Variants in ARMC5 observed in about 807,000 individuals in gnomAD.
ARMC5 encodes armadillo repeat-containing protein 5.
Under a neutral mutation model 60.5 loss-of-function variants are expected in ARMC5, and 28 were observed. The observed-to-expected ratio is 0.46, with a 90% CI of 0.34 to 0.63. The LOEUF is 0.63. ARMC5 is among the 30% of genes least tolerant of loss of function. The pLI is 0.01. For missense variants in ARMC5, 1,189 were observed against 1,304.9 expected, an observed-to-expected ratio of 0.91 and a Z score of 1.37; for synonymous variants, 680 against 607.3, an observed-to-expected ratio of 1.12 and a Z score of -1.76.
In ARMC5 at chr16:31,459,872, G is replaced by C. The variant is rs773795693; in HGVS notation, c.348G>C (p.Ser116=). Residue 116 remains serine, a synonymous_variant, in exon 1 of 6, where the codon TCG becomes TCC. Transcript: ENST00000268314. ...GCCCCGCCCCCTCCGCTGTGTCGTC[G>C]TCTAGTCCTACGCCGCCAGTGCGCC... ...ASGPAPSAVS[S]SSPTPPVRLR... 1.9e-6 allele frequency: 3 copies of C among 1,603,936 alleles called. No homozygotes were observed. Among genetic ancestry groups the C allele is most frequent in the Non-Finnish European group, 2.5e-6 (3 of 1,179,510 alleles).
In ARMC5 at chr16:31,466,287, T is replaced by C; in HGVS notation, c.2206T>C (p.Tyr736His). The change falls in exon 6 of 6, where the codon TAT becomes CAT. Residue 736 changes from tyrosine (Y) to histidine (H), a missense_variant. By Grantham distance (83) the Tyr-to-His change is moderately conservative (BLOSUM62 2). Transcript: ENST00000268314. This position sits in a 1 kb window ranked among gnomAD's most constrained non-coding sequence, Gnocchi z 8.0. ...CCTAGACTCACCTTCCCCTTGCCTC[T>C]ATGAACCTCTGCTGGGCCCAGCCCC... Reference protein sequence around the residue: ...MDLDSPSPCLYEPLLGPAPVP... With the variant: ...MDLDSPSPCLHEPLLGPAPVP... 1 of 1,613,880 alleles carries C rather than the reference T, an allele frequency of 6.2e-7. No individual in the cohort carries two copies. The highest frequency in any genetic ancestry group is 8.5e-7 in the Non-Finnish European group (1 of 1,179,882).
In ARMC5 at chr16:31,461,906, CA is replaced by C; in HGVS notation, c.476-13del. 4 of 1,611,416 alleles carry C rather than the reference CA, an allele frequency of 2.5e-6. No individual in the cohort carries two copies. The highest frequency in any genetic ancestry group is 3.4e-6 in the Non-Finnish European group (4 of 1,177,510). ...GTAAGGGGTAGAACCCTCACAAGCC[CA>C]AACTGTCGTTGCAGTGACCATTCTT... On this transcript the variant is annotated splice_polypyrimidine_tract_variant and intron_variant, in intron 1 of 5. Transcript: ENST00000268314.
rs373003041 is a variant in ARMC5, at chr16:31,461,908, A to G, written c.476-14A>G. 1 of 1,612,000 alleles carries G rather than the reference A, an allele frequency of 6.2e-7. No homozygotes were observed. The highest frequency in any genetic ancestry group is 8.5e-7 in the Non-Finnish European group (1 of 1,178,040). ...AAGGGGTAGAACCCTCACAAGCCCAAACTGTCGTTGCAGTGACCATTCTTC... is the reference window on the plus strand; with the variant it reads ...AAGGGGTAGAACCCTCACAAGCCCAGACTGTCGTTGCAGTGACCATTCTTC... On this transcript the variant is annotated splice_polypyrimidine_tract_variant and intron_variant, in intron 1 of 5. Transcript: ENST00000268314.
Position 31,459,603 on chromosome 16 carries a change from C to G in ARMC5, c.79C>G (p.Leu27Val). The part of the protein sequence containing the change: ...AQLAAAAGEA[L>V]GGEKDPATNE... ...GCTCGCGGCGGCGGCCGGGGAGGCTCTGGGTGGGGAAAAGGACCCAGCGAC... is the reference window on the plus strand; with the variant it reads ...GCTCGCGGCGGCGGCCGGGGAGGCTGTGGGTGGGGAAAAGGACCCAGCGAC... Residue 27 changes from leucine to valine, a missense_variant, in exon 1 of 6, where the codon CTG (leucine) becomes GTG (valine). By Grantham distance (32) the Leu-to-Val change is conservative (BLOSUM62 1). Coordinates refer to ENST00000268314, the MANE Select transcript of ARMC5 (RefSeq NM_001105247.2). The G allele has an allele frequency of 6.2e-7, 1 of 1,600,876 alleles. No individual in the cohort carries two copies. The highest frequency in any genetic ancestry group is 8.5e-7 in the Non-Finnish European group (1 of 1,179,428).
Position 31,466,234 on chromosome 16 carries a change from C to T in ARMC5, c.2153C>T (p.Pro718Leu). 1 of 1,613,810 alleles carries T rather than the reference C, an allele frequency of 6.2e-7. No homozygotes were observed. The highest frequency in any genetic ancestry group is 8.5e-7 in the Non-Finnish European group (1 of 1,179,880). Residue 718 changes from proline to leucine, a missense_variant, in exon 6 of 6, where the codon CCA becomes CTA. This residue lies in a region of ARMC5 where 862 missense variants were observed against 1,071.2 expected (regional missense o/e 0.80). Transcript: ENST00000268314. This position sits in a 1 kb window ranked among gnomAD's most constrained non-coding sequence, Gnocchi z 8.0. The stretch of plus-strand genomic sequence containing the variant: ...GACCTGGTGTCTCCCACTGTGAGCC[C>T]AGCTGTCCCACAGGCAGTCCCCATG... ...LQDLVSPTVS[P>L]AVPQAVPMDL...
chr16:31,458,501 G>C (rs565322103), upstream of ARMC5: 3 of 1,535,730 alleles, frequency 2.0e-6, no homozygotes, highest in Non-Finnish European at 2.6e-6. Flanking sequence ...CCCGGACAAC[G>C]GTAAGGCTTG....
At position 31,464,292 on chromosome 16, in the gene ARMC5, T is replaced by TAAA. The variant is rs537788230; in HGVS notation, c.1371-80_1371-78dup. 113 of 499,262 alleles carry TAAA rather than the reference T, an allele frequency of 2.3e-4. No individual in the cohort carries two copies. Among genetic ancestry groups the TAAA allele is most frequent in the South Asian group, 1.3e-3 (26 of 19,798 alleles). The allele number at this position is 499,262 out of a possible 1,614,324, so 30.9% of individuals were successfully genotyped here. A position where few individuals can be genotyped will look rare whatever the true frequency, so the allele number is the denominator to read the frequency against. On this transcript the variant is annotated intron_variant, in intron 3 of 5. Coordinates refer to ENST00000268314, the MANE Select transcript of ARMC5 (RefSeq NM_001105247.2). The surrounding 1 kb of genome is among the most constrained non-coding windows in gnomAD (Gnocchi z 7.6). ...GCTATAGAGGGATACCACATTTCTT[T>TAAA]AAAAAAAAAAAAAAAAAAAAAAAAG...
At chr16:31,463,449 C>A (rs2082322457) in intron 3 of ARMC5, among the ~76,000 whole-genome samples, 1 of 152,148 alleles carries the variant, frequency 6.6e-6, no homozygotes, top group African/African-American at 2.4e-5. Flanking sequence ...ACTTTGGGCC[C>A]CAGACAAGTT....
At chr16:31,458,603 T>C (rs2082267447), upstream of ARMC5, 1 of 1,455,398 alleles carries the variant, frequency 6.9e-7, no homozygotes, top group Non-Finnish European at 9.2e-7. Flanking sequence ...TTGGGGCTTG[T>C]AGACGGTTGC....
rs762474031 is a variant in ARMC5, at chr16:31,462,403, C to A, written c.856C>A (p.Leu286Ile). 5.6e-6 allele frequency: 9 copies of A among 1,609,872 alleles called. No individual in the cohort carries two copies. In the African/African-American group the frequency reaches 1.2e-4, roughly 21 times the overall value. ...AAGTCTGGGTGGGGGATTGGGCCCA[C>A]TCGTCAGCCTGGCTTCCCACCCCAA... ...QLSLGGGLGP[L>I]VSLASHPKRA... The change falls in exon 3 of 6, where the codon CTC (leucine) becomes ATC (isoleucine). Residue 286 changes from leucine (L) to isoleucine (I), a missense_variant. Physicochemically the swap from Leu to Ile is conservative, Grantham distance 5. Transcript: ENST00000268314. This position sits in a 1 kb window ranked among gnomAD's most constrained non-coding sequence, Gnocchi z 7.2.
Position 31,462,988 on chromosome 16 carries a change from T to A in ARMC5, c.1370+71T>A. 1 of 1,385,158 alleles carries A rather than the reference T, an allele frequency of 7.2e-7. No individual in the cohort carries two copies. Among genetic ancestry groups the A allele is most frequent in the Admixed American group, 2.8e-5 (1 of 35,684 alleles). 85.8% of individuals were successfully genotyped at this position (1,385,158 alleles called of 1,614,324 possible). A position where few individuals can be genotyped will look rare whatever the true frequency, so the allele number is the denominator to read the frequency against. ...GTGGGGTTTGTGTCTGTCTTGGTCC[T>A]CTTCACTACCTCCACCCCTATTCTG... On this transcript the variant is annotated intron_variant, in intron 3 of 5. Transcript: ENST00000268314. This position sits in a 1 kb window ranked among gnomAD's most constrained non-coding sequence, Gnocchi z 7.2.
At chr16:31,459,144 C>T, upstream of ARMC5, 1 of 1,496,744 alleles carries the variant, frequency 6.7e-7, no homozygotes, top group South Asian at 1.3e-5. Context: ...AAAGGCGGTC[C>T]CCGCCGAGTG....
chr16:31,465,741 C>A (rs551449781), intron 4 of ARMC5, 109 bp from the exon 5 acceptor site: 1 of 1,549,646 alleles, frequency 6.5e-7, no homozygotes, highest in East Asian at 2.3e-5. Context: ...GCCCTGATTT[C>A]TCACCCAGAG....
At position 31,464,769 on chromosome 16, in the gene ARMC5, C is replaced by G; in HGVS notation, c.1746C>G (p.Ala582=). 4 of 1,599,256 alleles carry G rather than the reference C, an allele frequency of 2.5e-6. No individual in the cohort carries two copies. Among genetic ancestry groups the G allele is most frequent in the Non-Finnish European group, 3.4e-6 (4 of 1,179,250 alleles). The stretch of plus-strand genomic sequence containing the variant: ...CCTGCAACCCTGCCTGCCTCGAGGC[C>G]TTCGTGCGCAGCTATGGCGCGGCGC... The part of the protein sequence containing the change: ...RLTCNPACLE[A]FVRSYGAALL... Residue 582 remains alanine (A), a synonymous_variant, in exon 4 of 6, where the codon GCC becomes GCG. Coordinates refer to ENST00000268314, the MANE Select transcript of ARMC5 (RefSeq NM_001105247.2). This position sits in a 1 kb window ranked among gnomAD's most constrained non-coding sequence, Gnocchi z 7.6.
chr16:31,461,817 C>T (rs2082305895), intron 1 of ARMC5, 105 bp from the exon 2 acceptor site: 2 of 1,008,978 alleles, frequency 2.0e-6, no homozygotes, highest in South Asian at 1.4e-5. Context: ...CGACCATTAG[C>T]CTCTTCTGAA....
chr16:31,458,511 G>A (rs1233315783), upstream of ARMC5: 1 of 1,535,260 alleles, frequency 6.5e-7, no homozygotes, highest in Non-Finnish European at 8.7e-7. Context: ...GGTAAGGCTT[G>A]TCACCAGAGG....
chr16:31,467,026 A>G lies in ARMC5; in HGVS notation c.*137A>G. On this transcript the variant is annotated 3_prime_UTR_variant, in exon 6 of 6. Transcript: ENST00000268314. ...TGAGAACATGGAACCGGACTCCAAG[A>G]TGACGATCTAAAGACCCGGGAGCGA... 1.7e-6 allele frequency: 2 copies of G among 1,167,988 alleles called. No individual in the cohort carries two copies. Among genetic ancestry groups the G allele is most frequent in the Non-Finnish European group, 2.3e-6 (2 of 886,026 alleles). 72.4% of individuals were successfully genotyped at this position (1,167,988 alleles called of 1,614,324 possible).
chr16:31,464,601 G>T lies in ARMC5; in HGVS notation c.1578G>T (p.Leu526=). 1 of 1,589,472 alleles carries T rather than the reference G, an allele frequency of 6.3e-7. No individual in the cohort carries two copies. Reference sequence around the variant, plus strand: ...CTTGGGGACGCGAAGGGCCAGCCCTGCTGCTGCTGTCGCGCTTTTCCCAGG... The same window carrying T: ...CTTGGGGACGCGAAGGGCCAGCCCTTCTGCTGCTGTCGCGCTTTTCCCAGG... ...EEPWGREGPA[L]LLLSRFSQAP... is the part of the protein sequence containing the mutation. Residue 526 remains leucine (L), a synonymous_variant, in exon 4 of 6, where the codon CTG becomes CTT. Transcript: ENST00000268314. This position sits in a 1 kb window ranked among gnomAD's most constrained non-coding sequence, Gnocchi z 7.6.
chr16:31,462,267 T>C lies in ARMC5; in HGVS notation c.720T>C (p.Arg240=), dbSNP rs772912554. The change falls in exon 3 of 6, where the codon CGT becomes CGC. Residue 240 remains arginine, a synonymous_variant. Coordinates refer to ENST00000268314, the MANE Select transcript of ARMC5 (RefSeq NM_001105247.2). This position sits in a 1 kb window ranked among gnomAD's most constrained non-coding sequence, Gnocchi z 7.2. The stretch of plus-strand genomic sequence containing the variant: ...CCTTGGCACAGCAGGGAGCAGTGCG[T>C]CCGCTGGCCGAGCTCCTGGCCACTG... ...RLALAQQGAV[R]PLAELLATAP... 1.2e-5 allele frequency: 20 copies of C among 1,609,552 alleles called. No homozygotes were observed. Among genetic ancestry groups the C allele is most frequent in the Non-Finnish European group, 1.6e-5 (19 of 1,179,932 alleles).
Sources: gnomAD v4.1 joint callset for allele counts (sites outside exome capture counted in the v4.1 genomes callset) on GRCh38, gnomAD v4.1.1 for gene constraint, gnomAD v4.1.1 regional missense constraint, Gnocchi (gnomAD v3.1) non-coding constraint, MANE v1.5 for transcripts, NCBI Gene and HGNC (gene_info 2026-07-23, HGNC 2026-07-21) for gene names.